The following KDM2B variants were observed in gnomAD, a reference collection of about 807,000 sequenced individuals.
KDM2B encodes the protein lysine demethylase 2B.
Under a neutral mutation model 150.0 loss-of-function variants are expected in KDM2B, and 26 were observed. That is an observed-to-expected ratio of 0.17 (90% CI 0.13 to 0.24). The LOEUF is 0.24. KDM2B is among the 10% of genes least tolerant of loss of function. KDM2B has a pLI of 1.00. For synonymous variants in KDM2B, 734 were observed against 729.5 expected, an observed-to-expected ratio of 1.01 and a Z score of -0.10; for missense variants, 1,265 against 1,816.9, an observed-to-expected ratio of 0.70 and a Z score of 5.52.
chr12:121,519,122 C>G (rs1452352549), intron 9 of KDM2B, among the ~76,000 whole-genome samples: 1 of 152,196 alleles, frequency 6.6e-6, no homozygotes, highest in Non-Finnish European at 1.5e-5. Flanking sequence ...TGCAGAGGTA[C>G]ACATGCCTCA....
At position 121,442,892 on chromosome 12, in the gene KDM2B, A is replaced by G; in HGVS notation, c.2605-56T>C. 1.3e-6 allele frequency: 2 copies of G among 1,551,548 alleles called. No homozygotes were observed. Among genetic ancestry groups the G allele is most frequent in the Non-Finnish European group, 1.7e-6 (2 of 1,152,106 alleles). On this transcript the variant is annotated intron_variant, in intron 18 of 22. Transcript: ENST00000377071. This position sits in a 1 kb window ranked among gnomAD's most constrained non-coding sequence, Gnocchi z 7.7. ...CTGGGGCTCAGGGCTGCGCCCGCCC[A>G]AGGCCTCCCGCCCCCCTGCCACGGG... is the stretch of plus-strand genomic sequence containing the variant.
At chr12:121,557,687 G>T (rs1176940768) in intron 4 of KDM2B, among the ~76,000 whole-genome samples, 3 of 152,154 alleles carry the variant, frequency 2.0e-5, no homozygotes, top group African/African-American at 7.2e-5. Flanking sequence ...GGAAGGACCT[G>T]CCCCTAGAGA....
chr12:121,435,570 C>T (rs1217120022), intron 22 of KDM2B, among the ~76,000 whole-genome samples: 29 of 152,130 alleles, frequency 1.9e-4, no homozygotes, highest in Non-Finnish European at 7.4e-5. Flanking sequence ...GTCCAGATTC[C>T]TTCCCCAGCA....
intron 2 of KDM2B, among the ~76,000 whole-genome samples, chr12:121,577,496 A>G (rs1351691753): frequency 6.6e-6 from 1 of 151,154 alleles, no homozygotes; most frequent in Non-Finnish European, 1.5e-5. Flanking sequence ...CCCTCCCCCA[A>G]CAAACACCCC....
chr12:121,483,716 AACACAC>A (rs10541701), intron 12 of KDM2B, among the ~76,000 whole-genome samples: 218 of 150,432 alleles, frequency 1.4e-3, no homozygotes, highest in African/African-American at 5.0e-3. Flanking sequence ...AAACAACAAC[AACACAC>A]ACACACACAC....
At chr12:121,466,107 G>A (rs1879869306) in intron 12 of KDM2B, among the ~76,000 whole-genome samples, 1 of 151,588 alleles carries the variant, frequency 6.6e-6, no homozygotes, top group Admixed American at 6.6e-5. Flanking sequence ...GCAGCCTATA[G>A]AGCACTTCCT....
At chr12:121,524,727 C>T (rs1469042821) in intron 8 of KDM2B, 1 of 453,076 alleles carries the variant, frequency 2.2e-6, no homozygotes, top group Admixed American at 2.4e-5. Flanking sequence ...GCCGGTGCTC[C>T]CAGGCTGCTG....
In KDM2B at chr12:121,442,706, G is replaced by A; in HGVS notation, c.2735C>T (p.Ser912Phe). The stretch of plus-strand genomic sequence containing the variant: ...GCTGGGTCCCGCGGTGGGGGAGCTG[G>A]AGCGGGAGTGGTCGCTCTCCCTGGT... Reference protein sequence around the residue: ...PKTRESDHSRSSSPTAGPSTE... With the variant: ...PKTRESDHSRFSSPTAGPSTE... Residue 912 changes from serine (S) to phenylalanine (F), a missense_variant, in exon 19 of 23, where the codon TCC (serine) becomes TTC (phenylalanine). By Grantham distance (155) the Ser-to-Phe change is radical (BLOSUM62 -2). Transcript: ENST00000377071. This position sits in a 1 kb window ranked among gnomAD's most constrained non-coding sequence, Gnocchi z 7.7. 1.9e-6 allele frequency: 3 copies of A among 1,583,954 alleles called. No individual in the cohort carries two copies. Among genetic ancestry groups the A allele is most frequent in the South Asian group, 1.1e-5 (1 of 87,338 alleles).
rs782708271 is a variant in KDM2B, at chr12:121,430,527, C to T, written c.3830-58G>A. The T allele has an allele frequency of 6.9e-5, 90 of 1,300,530 alleles. No individual in the cohort carries two copies. The highest frequency in any genetic ancestry group is 9.5e-5 in the Non-Finnish European group (85 of 897,358). 80.6% of individuals were successfully genotyped at this position (1,300,530 alleles called of 1,614,324 possible). A position where few individuals can be genotyped will look rare whatever the true frequency, so the allele number is the denominator to read the frequency against. On this transcript the variant is annotated intron_variant, in intron 22 of 22. Coordinates refer to ENST00000377071, the MANE Select transcript of KDM2B (RefSeq NM_032590.5). The surrounding 1 kb of genome is among the most constrained non-coding windows in gnomAD (Gnocchi z 4.4). ...AGGCCAGGAGCCAGAAGCCCCCCCG[C>T]CGCCAGACCCAGGCACTCAGCAGTG...
At position 121,467,137 on chromosome 12, in the gene KDM2B, GC is replaced by G; in HGVS notation, c.1735-13794del. ...GGTCGTGCGGCGGGTCCCTCCCTCAGCCCCACCCCGGGCCGCCGACCTGGTC... is the reference window on the plus strand; with the variant it reads ...GGTCGTGCGGCGGGTCCCTCCCTCAGCCCACCCCGGGCCGCCGACCTGGTC... On this transcript the variant is annotated intron_variant, in intron 12 of 22. Transcript: ENST00000377071. The surrounding 1 kb of genome is among the most constrained non-coding windows in gnomAD (Gnocchi z 5.1). 8.9e-7 allele frequency: 1 copy of G among 1,120,356 alleles called. No homozygotes were observed. The highest frequency in any genetic ancestry group is 1.1e-6 in the Non-Finnish European group (1 of 898,238). The allele number at this position is 1,120,356 out of a possible 1,614,324, so 69.4% of individuals were successfully genotyped here.
rs782708073 is a variant in KDM2B, at chr12:121,453,114, A to G, written c.1959+6T>C. On this transcript the variant is annotated splice_donor_region_variant and intron_variant, in intron 13 of 22. Transcript: ENST00000377071. The surrounding 1 kb of genome is among the most constrained non-coding windows in gnomAD (Gnocchi z 6.4). ...GAGCGCAGGGCTGGGCGGGGGCCGC[A>G]CTCACCGCGATGCACTGCCGCATGA... The G allele has an allele frequency of 3.7e-6, 6 of 1,604,984 alleles. No individual in the cohort carries two copies. The South Asian group carries it at 6.6e-5, about 18-fold the overall frequency.
chr12:121,471,663 G>A (rs905421808), intron 12 of KDM2B, among the ~76,000 whole-genome samples: 16 of 152,166 alleles, frequency 1.1e-4, no homozygotes, highest in Non-Finnish European at 2.2e-4. Context: ...TTACCTAAGC[G>A]GAGGGGCTCT....
intron 12 of KDM2B, among the ~76,000 whole-genome samples, chr12:121,456,507 G>A (rs957860588): frequency 5.9e-5 from 9 of 152,154 alleles, no homozygotes; most frequent in Non-Finnish European, 1.5e-5. Context: ...AGTGGCCAGC[G>A]TGTGGGCCAC....
intron 4 of KDM2B, among the ~76,000 whole-genome samples, chr12:121,560,036 G>A (rs373353356): frequency 3.0e-4 from 46 of 152,132 alleles, no homozygotes; most frequent in East Asian, 9.7e-4. Context: ...GAGACGTCTC[G>A]CTCTATCACC....
At chr12:121,525,711 T>C (rs1231847177) in intron 8 of KDM2B, among the ~76,000 whole-genome samples, 1 of 152,160 alleles carries the variant, frequency 6.6e-6, no homozygotes, top group Non-Finnish European at 1.5e-5. Context: ...ACCCATTTGA[T>C]AGATGGATCG....
intron 4 of KDM2B, among the ~76,000 whole-genome samples, chr12:121,555,110 C>T (rs1889797896): frequency 6.6e-6 from 1 of 152,096 alleles, no homozygotes; most frequent in Non-Finnish European, 1.5e-5. Flanking sequence ...AAGGCAGAGG[C>T]TACAGTGAGC....
chr12:121,574,133 A>G (rs1350264084), intron 4 of KDM2B, among the ~76,000 whole-genome samples: 3 of 152,138 alleles, frequency 2.0e-5, no homozygotes, highest in Non-Finnish European at 4.4e-5. Flanking sequence ...TCGCAGTTCC[A>G]AGCCCTGCCC....
the KDM2B span, chr12:121,418,072 T>C: frequency 2.6e-6 from 2 of 766,022 alleles, no homozygotes; most frequent in Non-Finnish European, 2.1e-6. Flanking sequence ...GCTGTCCTGA[T>C]GTATAGTGTC....
Position 121,575,743 on chromosome 12 carries a change from G to T in KDM2B, c.350+38C>A. On this transcript the variant is annotated intron_variant, in intron 3 of 22. Transcript: ENST00000377071. This position sits in a 1 kb window ranked among gnomAD's most constrained non-coding sequence, Gnocchi z 4.4. ...CCAAGCTATAAAGTATGTTAGGGAG[G>T]AAGACGGGGGAAGGAGTGATTAGTT... is the stretch of plus-strand genomic sequence containing the variant. The T allele has an allele frequency of 7.2e-7, 1 of 1,384,202 alleles. No individual in the cohort carries two copies. Among genetic ancestry groups the T allele is most frequent in the Non-Finnish European group, 1.0e-6 (1 of 970,124 alleles). The allele number at this position is 1,384,202 out of a possible 1,614,324, so 85.7% of individuals were successfully genotyped here.
Sources: gnomAD v4.1 joint callset for allele counts (sites outside exome capture counted in the v4.1 genomes callset) on GRCh38, gnomAD v4.1.1 for gene constraint, Gnocchi (gnomAD v3.1) non-coding constraint, MANE v1.5 for transcripts, NCBI Gene and HGNC (gene_info 2026-07-23, HGNC 2026-07-21) for gene names.